The following MORN1 variants were observed in gnomAD, a reference collection of about 807,000 sequenced individuals.
MORN1 encodes the protein MORN repeat containing 1.
Under a neutral mutation model 61.9 loss-of-function variants are expected in MORN1, and 67 were observed. The ratio of observed to expected loss-of-function variants is 1.08; its 90% CI spans 0.89 to 1.33. MORN1 has a LOEUF of 1.33. Ranked by LOEUF, MORN1 falls within the 40% of genes most tolerant of loss-of-function variation. MORN1 has a pLI of 0.00. For missense variants in MORN1, 752 were observed against 691.2 expected, an observed-to-expected ratio of 1.09 and a Z score of -0.99; for synonymous variants, 301 against 292.0, an observed-to-expected ratio of 1.03 and a Z score of -0.31.
intron 8 of MORN1, among the ~76,000 whole-genome samples, chr1:2,360,666 C>A (rs1641873677): frequency 1.3e-5 from 2 of 151,552 alleles, no homozygotes; most frequent in Admixed American, 1.3e-4. Flanking sequence ...GAGGACCCTG[C>A]AGCCCGCAGG....
intron 6 of MORN1, among the ~76,000 whole-genome samples, chr1:2,381,295 T>C (rs1642366474): frequency 6.6e-6 from 1 of 152,226 alleles, no homozygotes; most frequent in Non-Finnish European, 1.5e-5. Context: ...CTTCTCAGCG[T>C]CTACATCGGT....
chr1:2,355,219 A>G (rs1641736776), intron 10 of MORN1: 2 of 1,370,458 alleles, frequency 1.5e-6, no homozygotes, highest in Non-Finnish European at 1.9e-6. Context: ...TATTCCACCT[A>G]TGCGGTGTGG....
intron 12 of MORN1, among the ~76,000 whole-genome samples, chr1:2,325,199 CTTTT>C (rs1056456547): frequency 1.6e-5 from 2 of 124,216 alleles, no homozygotes; most frequent in African/African-American, 3.6e-5. Context: ...TCACTTCCTT[CTTTT>C]TTTTCTTTCT....
intron 6 of MORN1, among the ~76,000 whole-genome samples, chr1:2,380,875 C>T (rs964902997): frequency 3.3e-5 from 5 of 152,142 alleles, no homozygotes; most frequent in Admixed American, 1.3e-4. Flanking sequence ...TTTTTTAAAG[C>T]GGGCTAAATA....
At chr1:2,336,900 C>G (rs370664967) in intron 10 of MORN1, 50 bp from the exon 11 acceptor site, 6 of 1,484,496 alleles carry the variant, frequency 4.0e-6, no homozygotes, top group Non-Finnish European at 1.8e-6. Context: ...AGGGCGGAGA[C>G]GGAGGGAGCC....
intron 10 of MORN1, among the ~76,000 whole-genome samples, chr1:2,345,853 ACAGAT>A (rs1044463704): frequency 2.1e-4 from 21 of 99,576 alleles, no homozygotes; most frequent in African/African-American, 5.5e-4. Flanking sequence ...ACACACACAC[ACAGAT>A]GTTTGCTCTT....
At chr1:2,342,863 T>TTTTATTTTA (rs1641427739) in intron 10 of MORN1, among the ~76,000 whole-genome samples, 1 of 118,626 alleles carries the variant, frequency 8.4e-6, no homozygotes, top group East Asian at 2.1e-4. Context: ...TTTTATTTTA[T>TTTTATTTTA]TTTATTTATT....
At chr1:2,327,839 G>A (rs568950902) in intron 12 of MORN1, among the ~76,000 whole-genome samples, 57 of 152,392 alleles carry the variant, frequency 3.7e-4, no homozygotes, top group Non-Finnish European at 6.8e-4. Context: ...CCGCCCTGAC[G>A]GGTGAGGGCC....
At chr1:2,322,571 G>T in intron 13 of MORN1, 1 of 985,194 alleles carries the variant, frequency 1.0e-6, no homozygotes, top group Non-Finnish European at 1.2e-6. Flanking sequence ...AAAAAAACAC[G>T]GTTCTGGGGG....
In MORN1 at chr1:2,336,745, G is replaced by A; in HGVS notation, c.1142C>T (p.Pro381Leu). Residue 381 changes from proline (P) to leucine (L), a missense_variant, in exon 11 of 14, where the codon CCC becomes CTC. Pro to Leu is a moderately conservative substitution (Grantham distance 98). Coordinates refer to ENST00000378531, the MANE Select transcript of MORN1 (RefSeq NM_024848.3). ...GTGGAGGCTGTCCAGGAACAGGAAG[G>A]GGTGGTACCCAGGCGGGGGCGGCCC... ...LLGPPPPGYH[P>L]FLFLDSLHKK... The A allele has an allele frequency of 1.9e-6, 3 of 1,593,902 alleles. No homozygotes were observed. Among genetic ancestry groups the A allele is most frequent in the Non-Finnish European group, 2.6e-6 (3 of 1,170,780 alleles).
At chr1:2,379,621 G>A (rs1642326270) in intron 6 of MORN1, among the ~76,000 whole-genome samples, 1 of 152,208 alleles carries the variant, frequency 6.6e-6, no homozygotes, top group Admixed American at 6.5e-5. Context: ...GTCAAAGAGG[G>A]GGAGACCGGG....
chr1:2,338,888 C>A (rs1238154139), intron 10 of MORN1, among the ~76,000 whole-genome samples: 4 of 152,180 alleles, frequency 2.6e-5, no homozygotes, highest in African/African-American at 7.2e-5. Flanking sequence ...CTGTCCCTGG[C>A]TGATCAGCAG....
chr1:2,374,749 A>C, intron 6 of MORN1, 192 bp from the exon 7 acceptor site: 1 of 553,350 alleles, frequency 1.8e-6, no homozygotes, highest in Non-Finnish European at 3.2e-6. Context: ...ATGCAATCCA[A>C]TTTGCTTTGC....
intron 10 of MORN1, among the ~76,000 whole-genome samples, chr1:2,345,263 T>C (rs1641488739): frequency 6.6e-6 from 1 of 152,224 alleles, no homozygotes; most frequent in South Asian, 2.1e-4. Context: ...CCCCGGCACC[T>C]CCAAGCCATT....
At chr1:2,389,636 A>G (rs559911614) in intron 2 of MORN1, among the ~76,000 whole-genome samples, 3 of 152,384 alleles carry the variant, frequency 2.0e-5, no homozygotes, top group Middle Eastern at 3.4e-3. Flanking sequence ...ATAATAGGAA[A>G]TAAACCATAA....
chr1:2,326,050 C>T (rs1400270346), intron 12 of MORN1, among the ~76,000 whole-genome samples: 3 of 152,154 alleles, frequency 2.0e-5, no homozygotes, highest in Admixed American at 2.0e-4. Context: ...CGCCGTCCTG[C>T]CCGCTGTGGC....
chr1:2,368,429 C>T (rs552971193), intron 8 of MORN1, among the ~76,000 whole-genome samples: 20 of 152,296 alleles, frequency 1.3e-4, no homozygotes, highest in African/African-American at 3.1e-4. Flanking sequence ...TCTAGGGAAG[C>T]GGCAGTAACT....
chr1:2,359,790 G>A (rs1641854046), intron 8 of MORN1, among the ~76,000 whole-genome samples: 2 of 152,038 alleles, frequency 1.3e-5, no homozygotes, highest in Admixed American at 1.3e-4. Context: ...GGTTGAGGCA[G>A]GAGAATCGCT....
chr1:2,344,087 G>C (rs916617492), intron 10 of MORN1, among the ~76,000 whole-genome samples: 3 of 152,244 alleles, frequency 2.0e-5, no homozygotes, highest in South Asian at 4.1e-4. Flanking sequence ...AGTGTGGGAG[G>C]GCCTGGTCCA....
Sources: allele counts gnomAD v4.1 joint callset (sites outside exome capture counted in the v4.1 genomes callset), GRCh38; gene constraint gnomAD v4.1.1; transcripts MANE v1.5; gene names NCBI Gene and HGNC (gene_info 2026-07-23, HGNC 2026-07-21).